The following GREB1L variants were observed in gnomAD, a reference collection of about 807,000 sequenced individuals.
GREB1L encodes GREB1-like protein.
GREB1L carries 17 observed loss-of-function variants against 200.8 expected under a neutral mutation model. That is an observed-to-expected ratio of 0.08 (90% CI 0.06 to 0.13). GREB1L has a LOEUF of 0.13. Ranked by LOEUF, GREB1L falls within the 10% of genes least tolerant of loss-of-function variation. GREB1L has a pLI of 1.00. For synonymous variants in GREB1L, 789 were observed against 893.0 expected (o/e 0.88, Z 2.08); for missense variants, 1,657 against 2,367.7 (o/e 0.70, Z 6.23).
chr18:21,497,441 G>A (rs952330257), intron 21 of GREB1L, among the ~76,000 whole-genome samples: 5 of 152,062 alleles, frequency 3.3e-5, no homozygotes, highest in East Asian at 1.9e-4. Flanking sequence ...TCAGGAGTTC[G>A]AGACCAGCCT....
At position 21,242,338 on chromosome 18, in the gene GREB1L, C is replaced by G. The variant is rs956282013; in HGVS notation, c.-175C>G. The G allele has an allele frequency of 6.6e-6, 1 of 152,076 alleles. No individual in the cohort carries two copies. Among genetic ancestry groups the G allele is most frequent in the African/African-American group, 2.4e-5 (1 of 41,426 alleles). The allele number at this position is 152,076 out of a possible 1,614,324, so 9.4% of individuals were successfully genotyped here. A position where few individuals can be genotyped will look rare whatever the true frequency, so the allele number is the denominator to read the frequency against. On this transcript the variant is annotated 5_prime_UTR_variant, in exon 1 of 33. Transcript: ENST00000424526. The stretch of plus-strand genomic sequence containing the variant: ...GGCACTGGGGGTGGGGAGACCAGCC[C>G]GGCCGAGCCGAGGGCCACCCCCTGG...
chr18:21,378,351 G>A (rs781297831), intron 2 of GREB1L, among the ~76,000 whole-genome samples: 13 of 152,180 alleles, frequency 8.5e-5, no homozygotes, highest in South Asian at 4.2e-4. Context: ...GGTCAGTTAC[G>A]TAATTCTTTA....
Position 21,449,636 on chromosome 18 carries a change from T to A in GREB1L, c.1520T>A (p.Leu507His). 1 of 1,551,608 alleles carries A rather than the reference T, an allele frequency of 6.4e-7. No homozygotes were observed. Among genetic ancestry groups the A allele is most frequent in the Non-Finnish European group, 8.7e-7 (1 of 1,146,936 alleles). ...AQCVPVSPGQLPWLARLIASV... is the reference protein window; with the variant it reads ...AQCVPVSPGQHPWLARLIASV... The stretch of plus-strand genomic sequence containing the variant: ...TGTGTCCCTGTGTCACCAGGACAAC[T>A]CCCCTGGCTTGCTAGATTAATTGCC... Residue 507 changes from leucine to histidine, a missense_variant, in exon 12 of 33, where the codon CTC becomes CAC. Physicochemically the swap from Leu to His is moderately conservative, Grantham distance 99. Coordinates refer to ENST00000424526, the MANE Select transcript of GREB1L (RefSeq NM_001142966.3).
chr18:21,464,722 A>G (rs998105087), intron 15 of GREB1L, among the ~76,000 whole-genome samples: 3 of 152,152 alleles, frequency 2.0e-5, no homozygotes, highest in Admixed American at 6.5e-5. Context: ...ACAAACTGAC[A>G]TTATGTGCAA....
At chr18:21,272,966 C>T (rs2038102054) in intron 1 of GREB1L, among the ~76,000 whole-genome samples, 1 of 152,184 alleles carries the variant, frequency 6.6e-6, no homozygotes, top group Non-Finnish European at 1.5e-5. Context: ...GTGGCTCATG[C>T]CTGTAATCCC....
chr18:21,259,959 A>G lies in GREB1L; in HGVS notation c.-120+17566A>G, dbSNP rs142657044. Among the ~76,000 whole-genome samples, 3 of 151,994 alleles carry G rather than the reference A, an allele frequency of 2.0e-5. No homozygotes were observed. In the East Asian group the frequency reaches 5.8e-4, roughly 29 times the overall value. On this transcript the variant is annotated intron_variant, in intron 1 of 32. Transcript: ENST00000424526. ...AGCAGAAACTAACTTTAGTTAGTAT[A>G]CCGCTTTTGAGATGTTCTTTATATA...
At chr18:21,293,612 TA>T (rs1268933342) in intron 1 of GREB1L, among the ~76,000 whole-genome samples, 1 of 152,186 alleles carries the variant, frequency 6.6e-6, no homozygotes, top group Non-Finnish European at 1.5e-5. Flanking sequence ...GTTTAGATAC[TA>T]ATAATTAATC....
chr18:21,320,312 G>T (rs1344032967), intron 1 of GREB1L, among the ~76,000 whole-genome samples: 2 of 151,974 alleles, frequency 1.3e-5, no homozygotes, highest in Non-Finnish European at 2.9e-5. Flanking sequence ...CACCAAATAA[G>T]CCATACACTA....
chr18:21,330,970 T>C (rs1446833992), intron 1 of GREB1L, among the ~76,000 whole-genome samples: 1 of 152,204 alleles, frequency 6.6e-6, no homozygotes, highest in Non-Finnish European at 1.5e-5. Flanking sequence ...CAGTATAGGT[T>C]ATAACACTTT....
intron 15 of GREB1L, among the ~76,000 whole-genome samples, chr18:21,463,175 T>C (rs1222540681): frequency 8.5e-6 from 1 of 118,146 alleles, no homozygotes; most frequent in African/African-American, 3.2e-5. Context: ...AGATGGAGTC[T>C]CGCTCTGTCC....
At chr18:21,341,857 A>G (rs1420507071) in intron 1 of GREB1L, among the ~76,000 whole-genome samples, 1 of 152,166 alleles carries the variant, frequency 6.6e-6, no homozygotes, top group Non-Finnish European at 1.5e-5. Flanking sequence ...ATGTCAGTGC[A>G]GCCTTGCTTA....
At chr18:21,438,337 C>T (rs1227147070) in intron 7 of GREB1L, among the ~76,000 whole-genome samples, 1 of 152,098 alleles carries the variant, frequency 6.6e-6, no homozygotes, top group Non-Finnish European at 1.5e-5. Context: ...AATGATATTA[C>T]AGTTATTTTT....
intron 7 of GREB1L, among the ~76,000 whole-genome samples, chr18:21,430,999 TTTA>T (rs1360649837): frequency 6.8e-4 from 6 of 8,772 alleles, no homozygotes; most frequent in Admixed American, 6.2e-3. Flanking sequence ...ATTTATTTTA[TTTA>T]TTTATTTATT....
rs1454133915 is a variant in GREB1L, at chr18:21,285,247, G to T, written c.-120+42854G>T. On this transcript the variant is annotated intron_variant, in intron 1 of 32. Coordinates refer to ENST00000424526, the MANE Select transcript of GREB1L (RefSeq NM_001142966.3). ...CACAAAAGTTTTTAATTTTGATGAT[G>T]TTCAGTTTATCTTTTTATTTTGTCA... Among the ~76,000 whole-genome samples the T allele has an allele frequency of 3.3e-5, 5 of 151,936 alleles. No individual in the cohort carries two copies. In the East Asian group the frequency reaches 9.7e-4, roughly 29 times the overall value.
chr18:21,382,937 AAC>A (rs763081716), intron 2 of GREB1L, among the ~76,000 whole-genome samples: 2 of 152,214 alleles, frequency 1.3e-5, no homozygotes, highest in Non-Finnish European at 2.9e-5. Context: ...CAAAAGAAAT[AAC>A]AGTGTTTTTC....
At chr18:21,291,439 G>GT (rs2038449440) in intron 1 of GREB1L, among the ~76,000 whole-genome samples, 1 of 152,128 alleles carries the variant, frequency 6.6e-6, no homozygotes, top group Non-Finnish European at 1.5e-5. Flanking sequence ...TTGAGCTCAC[G>GT]TGTCTGCTTC....
At chr18:21,510,510 T>G (rs986210621) in intron 27 of GREB1L, among the ~76,000 whole-genome samples, 3 of 152,232 alleles carry the variant, frequency 2.0e-5, no homozygotes, top group African/African-American at 4.8e-5. Flanking sequence ...TTGTAGCATG[T>G]GTTAGAATTC....
intron 2 of GREB1L, among the ~76,000 whole-genome samples, chr18:21,376,616 A>G (rs899741515): frequency 5.3e-5 from 8 of 151,296 alleles, no homozygotes; most frequent in African/African-American, 1.2e-4. Flanking sequence ...CATCCTGGCT[A>G]ACACGGTGAA....
chr18:21,490,607 A>AT (rs2036295476), intron 19 of GREB1L, among the ~76,000 whole-genome samples: 7 of 151,544 alleles, frequency 4.6e-5, no homozygotes, highest in Admixed American at 2.6e-4. Context: ...CAAAAAAATG[A>AT]GATGACCCAA....
Sources: gnomAD v4.1 joint callset for allele counts (sites outside exome capture counted in the v4.1 genomes callset) on GRCh38, gnomAD v4.1.1 for gene constraint, MANE v1.5 for transcripts, NCBI Gene and HGNC (gene_info 2026-07-23, HGNC 2026-07-21) for gene names.